CBLN2: variants seen among roughly 807,000 people sequenced by gnomAD.
CBLN2 encodes cerebellin-2.
CBLN2 carries 7 observed loss-of-function variants against 15.0 expected under a neutral mutation model. The ratio of observed to expected loss-of-function variants is 0.47; its 90% CI spans 0.27 to 0.88. CBLN2 has a LOEUF of 0.88. Ranked by LOEUF, CBLN2 falls within the 40% of genes least tolerant of loss-of-function variation. The pLI, the probability that CBLN2 is intolerant of heterozygous loss-of-function variation, is 0.14. For synonymous variants in CBLN2, 149 were observed against 135.2 expected (o/e 1.10, Z -0.71); for missense variants, 242 against 304.5 (o/e 0.79, Z 1.53).
chr18:72,611,321 T>C (rs1392556706), intron 1 of CBLN2, among the ~76,000 whole-genome samples: 3 of 152,230 alleles, frequency 2.0e-5, no homozygotes, highest in African/African-American at 7.2e-5. Flanking sequence ...ATCTCCAAAA[T>C]GCTTTCAACG....
At chr18:72,604,025 G>A (rs541628210) in intron 1 of CBLN2, among the ~76,000 whole-genome samples, 3 of 152,254 alleles carry the variant, frequency 2.0e-5, no homozygotes, top group East Asian at 1.9e-4. Flanking sequence ...CTCAACTTGC[G>A]TCCAGCACCG....
intron 1 of CBLN2, among the ~76,000 whole-genome samples, chr18:72,611,962 G>A (rs654843): frequency 0.99 from 151,144 of 152,312 alleles, 74,996 homozygotes; most frequent in Middle Eastern, 1. Context: ...ATATATGGCT[G>A]GCCAGTTATT....
chr18:72,542,931 A>T (rs920929780), intron 2 of CBLN2: 4 of 155,622 alleles, frequency 2.6e-5, no homozygotes, highest in Non-Finnish European at 5.6e-5. Context: ...ACACACACAC[A>T]CACACACACA....
chr18:72,585,317 C>T (rs369246694), intron 1 of CBLN2, among the ~76,000 whole-genome samples: 44 of 152,250 alleles, frequency 2.9e-4, no homozygotes, highest in South Asian at 1.2e-3. Flanking sequence ...TGTCCTGCAT[C>T]CAGGAAGAAT....
chr18:72,552,390 C>A (rs1568253202), intron 1 of CBLN2, among the ~76,000 whole-genome samples: 1 of 150,952 alleles, frequency 6.6e-6, no homozygotes, highest in Non-Finnish European at 1.5e-5. Context: ...GGCCAAAATA[C>A]TTTTTTTTTA....
chr18:72,635,589 AC>A (rs1264521075), intron 1 of CBLN2, among the ~76,000 whole-genome samples: 2 of 152,166 alleles, frequency 1.3e-5, no homozygotes, highest in African/African-American at 4.8e-5. Flanking sequence ...TTTAGAAAAA[AC>A]ATTAACCTTT....
intron 1 of CBLN2, among the ~76,000 whole-genome samples, chr18:72,559,766 C>A (rs559293762): frequency 2.9e-4 from 44 of 152,230 alleles, no homozygotes; most frequent in Non-Finnish European, 5.1e-4. Context: ...TGTGTTTAGA[C>A]TTCTAAAGGG....
chr18:72,543,427 T>C lies in CBLN2; in HGVS notation c.-167+59A>G. Reference sequence around the variant, plus strand: ...CGATCTGGACCAGGGAGAGTCTTCGTTAAAATCCACGCAGAAGGCGCTTGC... The same window carrying C: ...CGATCTGGACCAGGGAGAGTCTTCGCTAAAATCCACGCAGAAGGCGCTTGC... On this transcript the variant is annotated intron_variant, in intron 2 of 4. Transcript: ENST00000269503. The surrounding 1 kb of genome is among the most constrained non-coding windows in gnomAD (Gnocchi z 6.8). 2.5e-6 allele frequency: 1 copy of C among 398,182 alleles called. No individual in the cohort carries two copies. The highest frequency in any genetic ancestry group is 4.4e-5 in the Admixed American group (1 of 22,698). 24.7% of individuals were successfully genotyped at this position (398,182 alleles called of 1,614,324 possible). A position where few individuals can be genotyped will look rare whatever the true frequency, so the allele number is the denominator to read the frequency against.
chr18:72,560,446 A>G (rs1022875270), intron 1 of CBLN2, among the ~76,000 whole-genome samples: 3 of 146,170 alleles, frequency 2.1e-5, no homozygotes, highest in African/African-American at 2.5e-5. Context: ...CTAGAGAATT[A>G]TAGAAAAACG....
intron 1 of CBLN2, among the ~76,000 whole-genome samples, chr18:72,562,025 A>G (rs1019544883): frequency 2.6e-5 from 4 of 152,222 alleles, no homozygotes; most frequent in Admixed American, 2.0e-4. Context: ...TATAAACAGA[A>G]CTAACTCACA....
intron 1 of CBLN2, among the ~76,000 whole-genome samples, chr18:72,569,476 C>A (rs1248693669): frequency 6.6e-6 from 1 of 152,124 alleles, no homozygotes; most frequent in Non-Finnish European, 1.5e-5. Context: ...AAACAATTAT[C>A]TTATTCTGTG....
At chr18:72,568,192 A>G (rs1250944602) in intron 1 of CBLN2, among the ~76,000 whole-genome samples, 1 of 152,186 alleles carries the variant, frequency 6.6e-6, no homozygotes, top group East Asian at 1.9e-4. Context: ...GATCACTGTC[A>G]TCCATGCACT....
chr18:72,617,814 T>A (rs1283425380), intron 1 of CBLN2, among the ~76,000 whole-genome samples: 1 of 152,102 alleles, frequency 6.6e-6, no homozygotes, highest in African/African-American at 2.4e-5. Flanking sequence ...TGAGACTCAG[T>A]TAGTAGTAAT....
intron 1 of CBLN2, among the ~76,000 whole-genome samples, chr18:72,570,266 TCTTC>T (rs1336982925): frequency 6.8e-6 from 1 of 147,602 alleles, no homozygotes; most frequent in Non-Finnish European, 1.5e-5. Flanking sequence ...AGCACTGTTT[TCTTC>T]CTTTCTTTCT....
chr18:72,541,343 A>G (rs1264088760), intron 3 of CBLN2, among the ~76,000 whole-genome samples: 5 of 151,732 alleles, frequency 3.3e-5, no homozygotes, highest in African/African-American at 9.7e-5. Context: ...AATAAGCAAT[A>G]GGAATGTATT....
At chr18:72,631,230 A>C (rs1005941942) in intron 1 of CBLN2, 4 of 152,170 alleles carry the variant, frequency 2.6e-5, no homozygotes, top group Admixed American at 6.5e-5. Flanking sequence ...TCTTATGGGA[A>C]TATATCAACT....
intron 1 of CBLN2, among the ~76,000 whole-genome samples, chr18:72,637,679 A>C (rs1375652446): frequency 6.6e-6 from 1 of 152,218 alleles, no homozygotes; most frequent in African/African-American, 2.4e-5. Flanking sequence ...ATCAAAATAC[A>C]TGTATTAAGT....
At chr18:72,562,489 T>A (rs886874646) in intron 1 of CBLN2, among the ~76,000 whole-genome samples, 1 of 152,204 alleles carries the variant, frequency 6.6e-6, no homozygotes, top group Admixed American at 6.5e-5. Flanking sequence ...TTAAGTATGA[T>A]TTCTCAGTAT....
At chr18:72,566,899 A>G (rs1200889448) in intron 1 of CBLN2, among the ~76,000 whole-genome samples, 2 of 152,102 alleles carry the variant, frequency 1.3e-5, no homozygotes, top group African/African-American at 2.4e-5. Context: ...ATCACAGCAC[A>G]CTGCAGCTTC....
Sources: gnomAD v4.1 joint callset for allele counts (sites outside exome capture counted in the v4.1 genomes callset) on GRCh38, gnomAD v4.1.1 for gene constraint, Gnocchi (gnomAD v3.1) non-coding constraint, MANE v1.5 for transcripts, NCBI Gene and HGNC (gene_info 2026-07-23, HGNC 2026-07-21) for gene names.